Variants in TMEM102 observed in about 807,000 individuals in gnomAD.
The protein encoded by TMEM102 is DANGER family member 2B.
In TMEM102, 28 loss-of-function variants were observed where a neutral mutation model predicts 26.8. The ratio of observed to expected loss-of-function variants is 1.05; its 90% confidence interval spans 0.77 to 1.43. The LOEUF (loss-of-function observed/expected upper bound fraction) is 1.43. Among genes scored for constraint, TMEM102 ranks in the 40% most tolerant of loss-of-function variants. TMEM102 has a pLI of 0.00. For synonymous variants in TMEM102, 306 were observed against 332.1 expected (o/e 0.92, Z 0.86); for missense variants, 677 against 705.6 (o/e 0.96, Z 0.46).
rs200854661 is a variant in TMEM102, at chr17:7,436,151, C to T, written c.215-43C>T. On this transcript the variant is annotated intron_variant, in intron 2 of 2. Coordinates refer to ENST00000323206, the MANE Select transcript of TMEM102 (RefSeq NM_178518.3). The stretch of plus-strand genomic sequence containing the variant: ...GCCTCACCACGCCCCCGCCCCCGCC[C>T]CGGCTTTGGGCGACGCCCTCACGAT... 5.1e-5 allele frequency: 82 copies of T among 1,602,358 alleles called. No homozygotes were observed. In the Admixed American group the frequency reaches 1.4e-3, roughly 27 times the overall value.
In TMEM102 at chr17:7,436,473, C is replaced by A. The variant is rs765955633; in HGVS notation, c.494C>A (p.Pro165His). ...IREMWQDCLG[P>H]PVPGARDSIH... ...GAGATGTGGCAGGATTGCTTAGGAC[C>A]CCCAGTCCCAGGAGCACGTGATTCG... is the stretch of plus-strand genomic sequence containing the variant. The change falls in exon 3 of 3, where the codon CCC becomes CAC. Residue 165 changes from proline (P) to histidine (H), a missense_variant. Physicochemically the swap from Pro to His is moderately conservative, Grantham distance 77. Transcript: ENST00000323206. 8 of 1,613,742 alleles carry A rather than the reference C, an allele frequency of 5.0e-6. No homozygotes were observed. Among genetic ancestry groups the A allele is most frequent in the Non-Finnish European group, 6.8e-6 (8 of 1,180,036 alleles).
Position 7,437,561 on chromosome 17 carries a change from G to T in TMEM102, c.*55G>T. 8.4e-7 allele frequency: 1 copy of T among 1,193,890 alleles called. No homozygotes were observed. The highest frequency in any genetic ancestry group is 1.1e-6 in the Non-Finnish European group (1 of 917,956). The allele number at this position is 1,193,890 out of a possible 1,614,324, so 74.0% of individuals were successfully genotyped here. On this transcript the variant is annotated 3_prime_UTR_variant, in exon 3 of 3. Coordinates refer to ENST00000323206, the MANE Select transcript of TMEM102 (RefSeq NM_178518.3). This position sits in a 1 kb window ranked among gnomAD's most constrained non-coding sequence, Gnocchi z 4.2. The stretch of plus-strand genomic sequence containing the variant: ...TCTGTGGGCGAGCGGGACGTGGGGG[G>T]CCCTGCTCGCCCCTCGCCAGGGGGA...
At position 7,437,258 on chromosome 17, in the gene TMEM102, C is replaced by T; in HGVS notation, c.1279C>T (p.Pro427Ser). The change falls in exon 3 of 3, where the codon CCA becomes TCA. Residue 427 changes from proline to serine, a missense_variant. Physicochemically the swap from Pro to Ser is moderately conservative, Grantham distance 74 (BLOSUM62 -1). Coordinates refer to ENST00000323206, the MANE Select transcript of TMEM102 (RefSeq NM_178518.3). The surrounding 1 kb of genome is among the most constrained non-coding windows in gnomAD (Gnocchi z 4.2). ...GCTGCCTGCGCTCTACCTGGCGCGGCCAGAAAATGCGGGCGCCTGCTGCCT... is the reference window on the plus strand; with the variant it reads ...GCTGCCTGCGCTCTACCTGGCGCGGTCAGAAAATGCGGGCGCCTGCTGCCT... Reference protein sequence around the residue: ...ERLPALYLARPENAGACCLGL... With the variant: ...ERLPALYLARSENAGACCLGL... 1 of 1,530,582 alleles carries T rather than the reference C, an allele frequency of 6.5e-7. No individual in the cohort carries two copies. Among genetic ancestry groups the T allele is most frequent in the South Asian group, 1.2e-5 (1 of 81,492 alleles). 94.8% of individuals were successfully genotyped at this position (1,530,582 alleles called of 1,614,324 possible). A position where few individuals can be genotyped will look rare whatever the true frequency, so the allele number is the denominator to read the frequency against.
chr17:7,436,002 T>A lies in TMEM102; in HGVS notation c.131T>A (p.Leu44Gln), dbSNP rs199750320. ...LQELTQLIQE[L>Q]GVQESWSDGP... ...GAATTGACCCAGCTGATCCAGGAGC[T>A]GGGTGTGCAGGAGAGCTGGAGTGAC... The change falls in exon 2 of 3, where the codon CTG becomes CAG. Residue 44 changes from leucine (L) to glutamine (Q), a missense_variant. Transcript: ENST00000323206. 4 of 1,613,412 alleles carry A rather than the reference T, an allele frequency of 2.5e-6. No individual in the cohort carries two copies. The highest frequency in any genetic ancestry group is 2.5e-6 in the Non-Finnish European group (3 of 1,180,038).
Position 7,437,350 on chromosome 17 carries a change from C to T in TMEM102, c.1371C>T (p.Gly457=). ...AGTLPHYFLN[G]RQLRTGDDSA... is the part of the protein sequence containing the mutation. Reference sequence around the variant, plus strand: ...CGTTGCCTCACTATTTTCTGAACGGCCGACAGCTCCGTACGGGGGACGACT... The same window carrying T: ...CGTTGCCTCACTATTTTCTGAACGGTCGACAGCTCCGTACGGGGGACGACT... Residue 457 remains glycine (G), a synonymous_variant, in exon 3 of 3, where the codon GGC becomes GGT. Coordinates refer to ENST00000323206, the MANE Select transcript of TMEM102 (RefSeq NM_178518.3). This position sits in a 1 kb window ranked among gnomAD's most constrained non-coding sequence, Gnocchi z 4.2. The T allele has an allele frequency of 6.4e-7, 1 of 1,569,306 alleles. No homozygotes were observed. Among genetic ancestry groups the T allele is most frequent in the South Asian group, 1.2e-5 (1 of 85,834 alleles).
Position 7,436,308 on chromosome 17 carries a change from C to A in TMEM102, c.329C>A (p.Ala110Asp). The A allele has an allele frequency of 6.2e-7, 1 of 1,613,820 alleles. No homozygotes were observed. Among genetic ancestry groups the A allele is most frequent in the Non-Finnish European group, 8.5e-7 (1 of 1,180,034 alleles). ...DLGHAPLGPY[A>D]RGPHYDAGFT... is the part of the protein sequence containing the mutation. ...GGGCATGCACCCCTGGGTCCCTACG[C>A]CCGGGGACCTCACTACGATGCCGGC... Residue 110 changes from alanine to aspartate, a missense_variant, in exon 3 of 3, where the codon GCC (alanine) becomes GAC (aspartate). Coordinates refer to ENST00000323206, the MANE Select transcript of TMEM102 (RefSeq NM_178518.3).
At position 7,437,081 on chromosome 17, in the gene TMEM102, G is replaced by T. The variant is rs770168038; in HGVS notation, c.1102G>T (p.Ala368Ser). The part of the protein sequence containing the change: ...PCASAWQLCF[A>S]RQELALKARI... ...CGCCTCCGCCTGGCAGCTCTGTTTT[G>T]CCCGCCAGGAGCTGGCGCTCAAAGC... Residue 368 changes from alanine to serine, a missense_variant, in exon 3 of 3, where the codon GCC becomes TCC. Physicochemically the swap from Ala to Ser is moderately conservative, Grantham distance 99. Transcript: ENST00000323206. The surrounding 1 kb of genome is among the most constrained non-coding windows in gnomAD (Gnocchi z 4.2). 3.1e-4 allele frequency: 477 copies of T among 1,525,584 alleles called. No individual in the cohort carries two copies. Among genetic ancestry groups the T allele is most frequent in the Non-Finnish European group, 4.0e-4 (460 of 1,145,354 alleles). 94.5% of individuals were successfully genotyped at this position (1,525,584 alleles called of 1,614,324 possible). A position where few individuals can be genotyped will look rare whatever the true frequency, so the allele number is the denominator to read the frequency against.
chr17:7,436,186 T>A lies in TMEM102; in HGVS notation c.215-8T>A, dbSNP rs1350127833. ...GCGACGCCCTCACGATCCGTTCCCTTTTTTTAGGTCTAGTTCACCGCCGGG... is the reference window on the plus strand; with the variant it reads ...GCGACGCCCTCACGATCCGTTCCCTATTTTTAGGTCTAGTTCACCGCCGGG... On this transcript the variant is annotated splice_polypyrimidine_tract_variant and splice_region_variant and intron_variant, in intron 2 of 2. Transcript: ENST00000323206. The A allele has an allele frequency of 6.3e-7, 1 of 1,580,780 alleles. No individual in the cohort carries two copies. Among genetic ancestry groups the A allele is most frequent in the Non-Finnish European group, 8.7e-7 (1 of 1,152,664 alleles).
chr17:7,436,565 T>C lies in TMEM102; in HGVS notation c.586T>C (p.Tyr196His), dbSNP rs189312533. 398 of 1,614,062 alleles carry C rather than the reference T, an allele frequency of 2.5e-4. 3 individuals carry two copies. Among genetic ancestry groups the C allele is most frequent in the Non-Finnish European group, 1.1e-5 (13 of 1,179,996 alleles). Reference protein sequence around the residue: ...WQSSVDQPHSYVTEHEAPVSL... With the variant: ...WQSSVDQPHSHVTEHEAPVSL... ...AAGCTCTGTAGACCAGCCGCACAGC[T>C]ACGTCACTGAGCACGAGGCGCCGGT... Residue 196 changes from tyrosine to histidine, a missense_variant, in exon 3 of 3, where the codon TAC becomes CAC. Transcript: ENST00000323206.
Position 7,436,167 on chromosome 17 carries a change from C to G in TMEM102, c.215-27C>G, listed in dbSNP as rs199944769. The G allele has an allele frequency of 7.9e-3, 12,598 of 1,601,378 alleles. 62 individuals carry two copies. Among genetic ancestry groups the G allele is most frequent in the Non-Finnish European group, 9.4e-3 (11,065 of 1,171,648 alleles). Reference sequence around the variant, plus strand: ...GCCCCCGCCCCGGCTTTGGGCGACGCCCTCACGATCCGTTCCCTTTTTTTA... The same window carrying G: ...GCCCCCGCCCCGGCTTTGGGCGACGGCCTCACGATCCGTTCCCTTTTTTTA... On this transcript the variant is annotated intron_variant, in intron 2 of 2. Transcript: ENST00000323206.
chr17:7,436,328 G>A lies in TMEM102; in HGVS notation c.349G>A (p.Ala117Thr), dbSNP rs1322848945. ...GPYARGPHYD[A>T]GFTLLVPMFS... ...CTACGCCCGGGGACCTCACTACGAT[G>A]CCGGCTTCACACTCCTAGTGCCCAT... The change falls in exon 3 of 3, where the codon GCC becomes ACC. Residue 117 changes from alanine (A) to threonine (T), a missense_variant. Coordinates refer to ENST00000323206, the MANE Select transcript of TMEM102 (RefSeq NM_178518.3). 2.5e-6 allele frequency: 4 copies of A among 1,613,652 alleles called. No individual in the cohort carries two copies. Among genetic ancestry groups the A allele is most frequent in the African/African-American group, 1.3e-5 (1 of 74,912 alleles).
In TMEM102 at chr17:7,436,999, G is replaced by A; in HGVS notation, c.1020G>A (p.Leu340=). The change falls in exon 3 of 3, where the codon CTG becomes CTA. Residue 340 remains leucine (L), a synonymous_variant. Transcript: ENST00000323206. ...GGAGCCACTCGTGGGCCGGTCCGCT[G>A]GCCTCTGAGTCGGCTTCCTTCTACC... The part of the protein sequence containing the change: ...GARSHSWAGP[L]ASESASFYLV... 6.3e-7 allele frequency: 1 copy of A among 1,599,304 alleles called. No homozygotes were observed. The highest frequency in any genetic ancestry group is 8.5e-7 in the Non-Finnish European group (1 of 1,178,660).
In TMEM102 at chr17:7,435,903, G is replaced by A; in HGVS notation, c.32G>A (p.Trp11Ter). 6.2e-7 allele frequency: 1 copy of A among 1,610,014 alleles called. No homozygotes were observed. Among genetic ancestry groups the A allele is most frequent in the Non-Finnish European group, 8.5e-7 (1 of 1,178,736 alleles). MASAVWGSAP[W>*]WGPPPPAPAR... ...TCCGCAGTCTGGGGGAGTGCCCCCTGGTGGGGCCCGCCGCCCCCGGCCCCA... is the reference window on the plus strand; with the variant it reads ...TCCGCAGTCTGGGGGAGTGCCCCCTAGTGGGGCCCGCCGCCCCCGGCCCCA... The change falls in exon 2 of 3, where the codon TGG (tryptophan) becomes TAG (stop). Residue 11 changes from tryptophan (W) to a stop codon, truncating the protein, a stop_gained. Coordinates refer to ENST00000323206, the MANE Select transcript of TMEM102 (RefSeq NM_178518.3). LOFTEE classifies it high-confidence loss of function.
intron 1 of TMEM102, 24 bp downstream of exon 1, chr17:7,435,720 A>T (rs763414752): frequency 3.6e-5 from 24 of 675,692 alleles, no homozygotes; most frequent in Non-Finnish European, 2.5e-6. Context: ...CATTTTGAGG[A>T]CTAAATTTAG....
chr17:7,436,115 C>A (rs767894420), intron 2 of TMEM102, 30 bp downstream of exon 2: 2 of 1,607,922 alleles, frequency 1.2e-6, no homozygotes, highest in Non-Finnish European at 1.7e-6. Context: ...TTTGGGAACT[C>A]ACAGCTCTCA....
Position 7,436,338 on chromosome 17 carries a change from C to T in TMEM102, c.359C>T (p.Thr120Ile). The T allele has an allele frequency of 1.2e-6, 2 of 1,613,820 alleles. No homozygotes were observed. The highest frequency in any genetic ancestry group is 1.7e-6 in the Non-Finnish European group (2 of 1,180,024). Reference sequence around the variant, plus strand: ...GGACCTCACTACGATGCCGGCTTCACACTCCTAGTGCCCATGTTTTCACTG... The same window carrying T: ...GGACCTCACTACGATGCCGGCTTCATACTCCTAGTGCCCATGTTTTCACTG... ...ARGPHYDAGFTLLVPMFSLDG... is the reference protein window; with the variant it reads ...ARGPHYDAGFILLVPMFSLDG... Residue 120 changes from threonine to isoleucine, a missense_variant, in exon 3 of 3, where the codon ACA becomes ATA. Transcript: ENST00000323206.
chr17:7,436,943 G>A lies in TMEM102; in HGVS notation c.964G>A (p.Val322Met). 6.2e-7 allele frequency: 1 copy of A among 1,605,236 alleles called. No homozygotes were observed. Among genetic ancestry groups the A allele is most frequent in the Non-Finnish European group, 8.5e-7 (1 of 1,179,484 alleles). The change falls in exon 3 of 3, where the codon GTG (valine) becomes ATG (methionine). Residue 322 changes from valine to methionine, a missense_variant. By Grantham distance (21) the Val-to-Met change is conservative. Coordinates refer to ENST00000323206, the MANE Select transcript of TMEM102 (RefSeq NM_178518.3). ...RLLLFDLIPV[V>M]SVAGWPEGAR... ...CCTGCTCTTCGACCTGATCCCAGTG[G>A]TGTCCGTGGCGGGCTGGCCCGAGGG... is the stretch of plus-strand genomic sequence containing the variant.
chr17:7,435,560 T>G lies in TMEM102; in HGVS notation c.-156T>G. 1 of 333,776 alleles carries G rather than the reference T, an allele frequency of 3.0e-6. No homozygotes were observed. Among genetic ancestry groups the G allele is most frequent in the Non-Finnish European group, 5.5e-6 (1 of 181,336 alleles). The allele number at this position is 333,776 out of a possible 1,614,324, so 20.7% of individuals were successfully genotyped here. ...CTTCCAAAAAAGAGGTAAAGGGAGG[T>G]AGACAAGGGGCGGCAGCGGAGGCTG... is the stretch of plus-strand genomic sequence containing the variant. On this transcript the variant is annotated 5_prime_UTR_variant, in exon 1 of 3. Coordinates refer to ENST00000323206, the MANE Select transcript of TMEM102 (RefSeq NM_178518.3).
chr17:7,436,909 T>A lies in TMEM102; in HGVS notation c.930T>A (p.Pro310=). Residue 310 remains proline (P), a synonymous_variant, in exon 3 of 3, where the codon CCT becomes CCA. Coordinates refer to ENST00000323206, the MANE Select transcript of TMEM102 (RefSeq NM_178518.3). ...TTVLLATPEP[P]RRLLLFDLIP... ...TCCTCCTGGCTACCCCTGAGCCCCC[T>A]CGCCGCCTCCTGCTCTTCGACCTGA... 6.2e-7 allele frequency: 1 copy of A among 1,608,540 alleles called. No homozygotes were observed. Among genetic ancestry groups the A allele is most frequent in the Non-Finnish European group, 8.5e-7 (1 of 1,179,698 alleles).
Sources: gnomAD v4.1 joint callset for allele counts on GRCh38, gnomAD v4.1.1 for gene constraint, Gnocchi (gnomAD v3.1) non-coding constraint, MANE v1.5 for transcripts, NCBI Gene and HGNC (gene_info 2026-07-23, HGNC 2026-07-21) for gene names.